Variants in RPS6KC1 observed in about 807,000 individuals in gnomAD.
RPS6KC1 encodes inactive ribosomal protein S6 kinase delta-1.
RPS6KC1 carries 54 observed loss-of-function variants against 103.8 expected under a neutral mutation model. The ratio of observed to expected loss-of-function variants is 0.52; its 90% CI spans 0.42 to 0.65. The LOEUF (loss-of-function observed/expected upper bound fraction) is 0.65. Ranked by LOEUF, RPS6KC1 falls within the 30% of genes least tolerant of loss-of-function variation. The pLI, the probability that RPS6KC1 is intolerant of heterozygous loss-of-function variation, is 0.00. For missense variants in RPS6KC1, 1,151 were observed against 1,253.8 expected (o/e 0.92, Z 1.24); for synonymous variants, 439 against 438.7 (o/e 1.00, Z -0.01).
At chr1:213,504,133 G>T in the RPS6KC1 span, among the ~76,000 whole-genome samples, 1 of 152,088 alleles carries the variant, frequency 6.6e-6, no homozygotes, top group Non-Finnish European at 1.5e-5. Context: ...ATACAATTAT[G>T]ATAATTTCTT....
At chr1:213,247,822 G>T (rs191616873) in intron 12 of RPS6KC1, among the ~76,000 whole-genome samples, 1 of 152,102 alleles carries the variant, frequency 6.6e-6, no homozygotes, top group Non-Finnish European at 1.5e-5. Context: ...CCCCCCAAGG[G>T]TAAATATTGA....
chr1:213,485,633 T>C, the RPS6KC1 span, among the ~76,000 whole-genome samples: 2 of 152,118 alleles, frequency 1.3e-5, no homozygotes, highest in African/African-American at 4.8e-5. Flanking sequence ...GATGGCACCA[T>C]GAAGGAACTC....
the RPS6KC1 span, among the ~76,000 whole-genome samples, chr1:213,405,335 C>T: frequency 1.3e-5 from 2 of 152,232 alleles, no homozygotes; most frequent in Admixed American, 6.5e-5. Flanking sequence ...CTCCAAGTCA[C>T]AAAATGTCGG....
chr1:213,365,820 A>C, the RPS6KC1 span, among the ~76,000 whole-genome samples: 1 of 152,254 alleles, frequency 6.6e-6, no homozygotes, highest in Non-Finnish European at 1.5e-5. Flanking sequence ...TGTGAGCCAT[A>C]TGCACTCTGT....
At chr1:213,133,338 G>T (rs867289146) in intron 6 of RPS6KC1, among the ~76,000 whole-genome samples, 30 of 152,044 alleles carry the variant, frequency 2.0e-4, no homozygotes, top group Admixed American at 5.2e-4. Flanking sequence ...AGTGGTAAAT[G>T]GATTACATAA....
At chr1:213,051,648 G>A (rs1042573260) in intron 1 of RPS6KC1, 139 bp downstream of exon 1, 10 of 629,138 alleles carry the variant, frequency 1.6e-5, no homozygotes, top group Admixed American at 1.4e-4. Flanking sequence ...CGGGACTTGG[G>A]TGTCGGAGGT....
the RPS6KC1 span, among the ~76,000 whole-genome samples, chr1:213,631,568 C>A: frequency 6.6e-6 from 1 of 151,824 alleles, no homozygotes; most frequent in Admixed American, 6.6e-5. Context: ...GAATGTTTTT[C>A]TATACAAAAA....
chr1:213,702,846 G>GTTT, the RPS6KC1 span, among the ~76,000 whole-genome samples: 390 of 128,698 alleles, frequency 3.0e-3, 1 homozygote, highest in African/African-American at 8.3e-3. Flanking sequence ...GATCATTGAG[G>GTTT]TTTTTTTTGT....
the RPS6KC1 span, among the ~76,000 whole-genome samples, chr1:213,746,199 A>G: frequency 1.3e-5 from 2 of 152,238 alleles, no homozygotes; most frequent in African/African-American, 4.8e-5. Context: ...GGGAAAGGAA[A>G]TGTAGAGTTG....
the RPS6KC1 span, among the ~76,000 whole-genome samples, chr1:213,559,968 A>G: frequency 6.6e-6 from 1 of 152,152 alleles, no homozygotes; most frequent in Non-Finnish European, 1.5e-5. Context: ...TCATCCTTCT[A>G]ATAAGCTACT....
At chr1:213,426,310 T>C in the RPS6KC1 span, among the ~76,000 whole-genome samples, 1 of 151,954 alleles carries the variant, frequency 6.6e-6, no homozygotes, top group African/African-American at 2.4e-5. Context: ...CTGGGGCAGG[T>C]TGTGGAAGGC....
chr1:213,309,104 A>G, the RPS6KC1 span, among the ~76,000 whole-genome samples: 3 of 152,154 alleles, frequency 2.0e-5, no homozygotes, highest in Admixed American at 2.0e-4. Context: ...AGCCTGGCCA[A>G]TATGGTGAAA....
the RPS6KC1 span, among the ~76,000 whole-genome samples, chr1:213,388,113 G>A: frequency 5.9e-5 from 9 of 152,262 alleles, no homozygotes; most frequent in African/African-American, 1.4e-4. Context: ...GAGCTTGTGT[G>A]TGGAATTTCA....
chr1:213,447,596 C>A, the RPS6KC1 span, among the ~76,000 whole-genome samples: 6 of 152,176 alleles, frequency 3.9e-5, no homozygotes, highest in Non-Finnish European at 8.8e-5. Flanking sequence ...CTACATATGG[C>A]TGGTGGCTAC....
At chr1:213,263,676 A>G (rs1451090708) in intron 14 of RPS6KC1, among the ~76,000 whole-genome samples, 2 of 152,210 alleles carry the variant, frequency 1.3e-5, no homozygotes, top group Non-Finnish European at 2.9e-5. Flanking sequence ...AAGATAATTG[A>G]CTAGTATTCT....
the RPS6KC1 span, among the ~76,000 whole-genome samples, chr1:213,783,482 C>T: frequency 2.0e-5 from 3 of 152,126 alleles, no homozygotes; most frequent in African/African-American, 4.8e-5. Flanking sequence ...TTGCCTCCCC[C>T]CCTCAGATCT....
the RPS6KC1 span, among the ~76,000 whole-genome samples, chr1:213,664,822 T>A: frequency 6.6e-6 from 1 of 152,174 alleles, no homozygotes; most frequent in Non-Finnish European, 1.5e-5. Flanking sequence ...TTGATTGTTT[T>A]TAATGGTAAA....
chr1:213,096,969 ATGT>A (rs1476624510), intron 3 of RPS6KC1, among the ~76,000 whole-genome samples: 3 of 152,220 alleles, frequency 2.0e-5, no homozygotes, highest in Non-Finnish European at 4.4e-5. Flanking sequence ...TGTAGAATTG[ATGT>A]TGTGTTAGCT....
At chr1:213,481,770 G>C in the RPS6KC1 span, among the ~76,000 whole-genome samples, 2 of 152,084 alleles carry the variant, frequency 1.3e-5, no homozygotes, top group Non-Finnish European at 2.9e-5. Context: ...AATGTGCTAT[G>C]ATTATACATA....
Sources: allele counts gnomAD v4.1 joint callset (sites outside exome capture counted in the v4.1 genomes callset), GRCh38; gene constraint gnomAD v4.1.1; transcripts MANE v1.5; gene names NCBI Gene and HGNC (gene_info 2026-07-23, HGNC 2026-07-21).